ZCCHC7: variants seen among roughly 807,000 people sequenced by gnomAD.
ZCCHC7 encodes the protein zinc finger CCHC domain-containing protein 7.
ZCCHC7 carries 35 observed loss-of-function variants against 52.0 expected under a neutral mutation model. That is an observed-to-expected ratio of 0.67 (90% CI 0.51 to 0.89). The LOEUF is 0.89. Ranked by LOEUF, ZCCHC7 falls within the 40% of genes least tolerant of loss-of-function variation. The pLI is 0.00. For missense variants in ZCCHC7, 574 were observed against 649.1 expected (o/e 0.88, Z 1.26); for synonymous variants, 217 against 221.5 (o/e 0.98, Z 0.18).
intron 6 of ZCCHC7, among the ~76,000 whole-genome samples, chr9:37,344,373 G>A (rs1387460707): frequency 6.6e-6 from 1 of 152,084 alleles, no homozygotes; most frequent in Non-Finnish European, 1.5e-5. Flanking sequence ...AAACAAATCC[G>A]ATATTCTTCA....
At chr9:37,145,026 G>A (rs549649673) in intron 2 of ZCCHC7, 1 of 152,018 alleles carries the variant, frequency 6.6e-6, no homozygotes, top group Admixed American at 6.6e-5. Context: ...TTTTTGTGTG[G>A]TTATTAACAG....
intron 2 of ZCCHC7, among the ~76,000 whole-genome samples, chr9:37,208,329 A>C (rs1588483257): frequency 6.6e-6 from 1 of 152,064 alleles, no homozygotes; most frequent in Non-Finnish European, 1.5e-5. Flanking sequence ...CAATTGATCC[A>C]CCTGCCTCGG....
intron 6 of ZCCHC7, among the ~76,000 whole-genome samples, chr9:37,344,964 T>C (rs1226320873): frequency 6.6e-6 from 1 of 152,242 alleles, no homozygotes; most frequent in Non-Finnish European, 1.5e-5. Flanking sequence ...TCTGCTCTAC[T>C]TGTCCCCTTC....
At chr9:37,267,771 G>T (rs908295967) in intron 2 of ZCCHC7, among the ~76,000 whole-genome samples, 1 of 151,778 alleles carries the variant, frequency 6.6e-6, no homozygotes, top group African/African-American at 2.4e-5. Context: ...GGGTTTCACC[G>T]TGTTAGCCAG....
chr9:37,142,168 C>A (rs976612158), intron 2 of ZCCHC7, among the ~76,000 whole-genome samples: 2 of 151,584 alleles, frequency 1.3e-5, no homozygotes, highest in Non-Finnish European at 3.0e-5. Flanking sequence ...TTAAAAAATT[C>A]TAATAATTTC....
Position 37,255,673 on chromosome 9 carries a change from T to G in ZCCHC7, c.611-46515T>G, listed in dbSNP as rs567936935. Among the ~76,000 whole-genome samples, 3 of 152,232 alleles carry G rather than the reference T, an allele frequency of 2.0e-5. No individual in the cohort carries two copies. The South Asian group carries it at 6.2e-4, about 32-fold the overall frequency. ...AATGAGCTACTTTGGCAGGAAAGAT[T>G]ATAAATAATTGAGTAGATATCAATG... On this transcript the variant is annotated intron_variant, in intron 2 of 8. Transcript: ENST00000336755.
At position 37,349,425 on chromosome 9, in the gene ZCCHC7, C is replaced by G. The variant is rs1451367993; in HGVS notation, c.1056C>G (p.His352Gln). 2 of 1,613,986 alleles carry G rather than the reference C, an allele frequency of 1.2e-6. No homozygotes were observed. Among genetic ancestry groups the G allele is most frequent in the Non-Finnish European group, 1.7e-6 (2 of 1,179,984 alleles). ...CATCAGCCTTAGCATATTGCTATCA[C>G]TGCGCGCAAAAAGGCCATTATGGAC... is the stretch of plus-strand genomic sequence containing the variant. ...SRPSALAYCY[H>Q]CAQKGHYGHE... Residue 352 changes from histidine to glutamine, a missense_variant, in exon 7 of 9, where the codon CAC becomes CAG. His to Gln is a conservative substitution (Grantham distance 24). Coordinates refer to ENST00000336755, the MANE Select transcript of ZCCHC7 (RefSeq NM_032226.3).
chr9:37,136,202 A>C (rs1217924278), intron 2 of ZCCHC7, among the ~76,000 whole-genome samples: 1 of 152,324 alleles, frequency 6.6e-6, no homozygotes, highest in African/African-American at 2.4e-5. Context: ...ACAGCTGTGC[A>C]GTTGGCCAAC....
chr9:37,340,938 A>G (rs980892231), intron 6 of ZCCHC7, among the ~76,000 whole-genome samples: 1 of 152,186 alleles, frequency 6.6e-6, no homozygotes, highest in Non-Finnish European at 1.5e-5. Flanking sequence ...ATAGCACAAT[A>G]TACTGTTGCT....
chr9:37,222,843 A>G (rs1824896165), intron 2 of ZCCHC7, among the ~76,000 whole-genome samples: 1 of 152,162 alleles, frequency 6.6e-6, no homozygotes, highest in Admixed American at 6.5e-5. Flanking sequence ...AAACCAGTAA[A>G]GAAACGCTCT....
intron 2 of ZCCHC7, among the ~76,000 whole-genome samples, chr9:37,168,270 A>G (rs1821537435): frequency 1.3e-5 from 2 of 151,922 alleles, no homozygotes; most frequent in Admixed American, 6.6e-5. Context: ...TGTTTTGTCT[A>G]TTTTTTGTTT....
At chr9:37,326,141 C>G (rs1442956036) in intron 5 of ZCCHC7, 1 of 151,932 alleles carries the variant, frequency 6.6e-6, no homozygotes, top group South Asian at 2.1e-4. Flanking sequence ...ATATACACAG[C>G]AAAAAGCTTA....
chr9:37,337,413 C>A (rs1302241813), intron 6 of ZCCHC7, among the ~76,000 whole-genome samples: 3 of 121,382 alleles, frequency 2.5e-5, no homozygotes, highest in Non-Finnish European at 5.2e-5. Flanking sequence ...CCCCCCCCCC[C>A]CCAAAAAAAA....
intron 2 of ZCCHC7, among the ~76,000 whole-genome samples, chr9:37,241,411 G>A (rs756276485): frequency 9.2e-5 from 14 of 151,768 alleles, no homozygotes; most frequent in Non-Finnish European, 1.9e-4. Flanking sequence ...AGCAAAGCAC[G>A]ATTGGAAATG....
At chr9:37,125,501 C>T (rs372923872) in intron 1 of ZCCHC7, among the ~76,000 whole-genome samples, 2 of 152,092 alleles carry the variant, frequency 1.3e-5, no homozygotes, top group African/African-American at 4.8e-5. Flanking sequence ...GAGGGCCGTG[C>T]GATTAATTTG....
intron 2 of ZCCHC7, among the ~76,000 whole-genome samples, chr9:37,271,409 T>C (rs1335516624): frequency 6.6e-6 from 1 of 152,174 alleles, no homozygotes; most frequent in Non-Finnish European, 1.5e-5. Flanking sequence ...ATTCAGGGAC[T>C]TAGTTTATTA....
At chr9:37,351,651 G>C (rs905848503) in intron 7 of ZCCHC7, among the ~76,000 whole-genome samples, 2 of 152,120 alleles carry the variant, frequency 1.3e-5, no homozygotes, top group Non-Finnish European at 2.9e-5. Flanking sequence ...ATCTTTTACT[G>C]CTCTGTCCAT....
At chr9:37,296,881 T>TGTGTGTGTGTG (rs1828806798) in intron 2 of ZCCHC7, among the ~76,000 whole-genome samples, 1 of 124,136 alleles carries the variant, frequency 8.1e-6, no homozygotes, top group Non-Finnish European at 1.7e-5. Context: ...CCTGGCTAGT[T>TGTGTGTGTGTG]TGTGTGTGTG....
At chr9:37,334,666 A>G (rs1457050684) in intron 6 of ZCCHC7, among the ~76,000 whole-genome samples, 2 of 152,024 alleles carry the variant, frequency 1.3e-5, no homozygotes, top group Admixed American at 1.3e-4. Context: ...CAAGGGTGTT[A>G]TGTGTGGGTT....
Sources: gnomAD v4.1 joint callset for allele counts (sites outside exome capture counted in the v4.1 genomes callset) on GRCh38, gnomAD v4.1.1 for gene constraint, MANE v1.5 for transcripts, NCBI Gene and HGNC (gene_info 2026-07-23, HGNC 2026-07-21) for gene names.